GRAMD1C: variants seen among roughly 807,000 people sequenced by gnomAD.
GRAMD1C encodes the protein protein Aster-C.
In GRAMD1C, 89 loss-of-function variants were observed where a neutral mutation model predicts 97.8. That is an observed-to-expected ratio of 0.91 (90% CI 0.77 to 1.09). The LOEUF (loss-of-function observed/expected upper bound fraction) is 1.09, where lower values mean the gene tolerates loss of function less well. GRAMD1C is among the 50% of genes least tolerant of loss of function. The pLI, the probability that GRAMD1C is intolerant of heterozygous loss-of-function variation, is 0.00. For missense variants in GRAMD1C, 740 were observed against 766.4 expected, an observed-to-expected ratio of 0.97 and a Z score of 0.41; for synonymous variants, 256 against 267.0, an observed-to-expected ratio of 0.96 and a Z score of 0.40.
intron 10 of GRAMD1C, among the ~76,000 whole-genome samples, chr3:113,916,358 ATC>A (rs1936810058): frequency 6.6e-6 from 1 of 152,242 alleles, no homozygotes; most frequent in Non-Finnish European, 1.5e-5. Context: ...TCAAGTGTCC[ATC>A]AGTAATAGAA....
chr3:113,873,592 C>T (rs1314570872), intron 3 of GRAMD1C, among the ~76,000 whole-genome samples: 2 of 152,004 alleles, frequency 1.3e-5, no homozygotes, highest in African/African-American at 2.4e-5. Flanking sequence ...GATCTCAGCT[C>T]ACTGTAACCT....
intron 17 of GRAMD1C, among the ~76,000 whole-genome samples, chr3:113,942,040 C>T (rs913783065): frequency 6.6e-5 from 10 of 151,410 alleles, no homozygotes; most frequent in Admixed American, 3.9e-4. Context: ...CTCACCCTCC[C>T]GTAGCTGGAA....
intron 6 of GRAMD1C, among the ~76,000 whole-genome samples, chr3:113,892,867 C>A (rs1326779387): frequency 6.6e-6 from 1 of 152,114 alleles, no homozygotes; most frequent in Non-Finnish European, 1.5e-5. Flanking sequence ...CAGCCCCCAT[C>A]CGTGTTCTAT....
chr3:113,871,744 C>CAAAAAAAAA (rs1179822586), intron 3 of GRAMD1C, among the ~76,000 whole-genome samples: 1 of 65,406 alleles, frequency 1.5e-5, no homozygotes, highest in African/African-American at 8.1e-5. Flanking sequence ...GACTCTGTCT[C>CAAAAAAAAA]AAAAAAAAAA....
intron 10 of GRAMD1C, among the ~76,000 whole-genome samples, chr3:113,918,660 A>G (rs1478388194): frequency 6.6e-6 from 1 of 152,194 alleles, no homozygotes; most frequent in Admixed American, 6.5e-5. Flanking sequence ...GCATACTGCT[A>G]TCTTCTGACT....
intron 10 of GRAMD1C, 34 bp from the exon 11 acceptor site, chr3:113,930,680 T>C (rs1302687742): frequency 9.2e-7 from 1 of 1,090,840 alleles, no homozygotes; most frequent in Non-Finnish European, 1.4e-6. Context: ...TTTAAGTTTC[T>C]AGAACTAACT....
At chr3:113,872,658 G>A (rs1288042021) in intron 3 of GRAMD1C, among the ~76,000 whole-genome samples, 5 of 150,718 alleles carry the variant, frequency 3.3e-5, no homozygotes, top group Admixed American at 2.6e-4. Context: ...GCCTCCCAGA[G>A]TGCTGGGATT....
chr3:113,905,628 G>T (rs1936342587), intron 8 of GRAMD1C, among the ~76,000 whole-genome samples: 2 of 151,988 alleles, frequency 1.3e-5, no homozygotes, highest in African/African-American at 4.8e-5. Flanking sequence ...TAGTATATAT[G>T]AAAATGCAGT....
At position 113,915,717 on chromosome 3, in the gene GRAMD1C, A is replaced by G. The variant is rs369484546; in HGVS notation, c.969A>G (p.Lys323=). 94 of 1,608,150 alleles carry G rather than the reference A, an allele frequency of 5.8e-5. No individual in the cohort carries two copies. Among genetic ancestry groups the G allele is most frequent in the Non-Finnish European group, 7.7e-5 (91 of 1,176,928 alleles). Residue 323 remains lysine, a synonymous_variant, in exon 10 of 18, where the codon AAA becomes AAG. Transcript: ENST00000358160. ...TTTTTCCAGAAAATGTTCCTGAGAA[A>G]GATCTTCATGGAAGACTTTTTATCA... ...DSVDEENVPE[K]DLHGRLFINR... is the part of the protein sequence containing the mutation.
intron 1 of GRAMD1C, among the ~76,000 whole-genome samples, chr3:113,828,918 C>T (rs1356826570): frequency 2.0e-5 from 3 of 152,258 alleles, no homozygotes; most frequent in East Asian, 1.9e-4. Context: ...TTGTATCTTT[C>T]CAACTCATCA....
chr3:113,868,605 A>G lies in GRAMD1C; in HGVS notation c.175-902A>G, dbSNP rs1033618814. ...TAGGGATCACCTCTTATGTCAGCCA[A>G]TGATGTACTCAATGTACTTAAATCC... On this transcript the variant is annotated intron_variant, in intron 2 of 17. Transcript: ENST00000358160. 7.2e-5 allele frequency among the ~76,000 whole-genome samples: 11 copies of G among 152,140 alleles called. 1 individual carries two copies. The highest frequency in any genetic ancestry group is 7.2e-5 in the African/African-American group (3 of 41,428).
At chr3:113,851,311 G>C (rs1322291290) in intron 2 of GRAMD1C, among the ~76,000 whole-genome samples, 3 of 151,706 alleles carry the variant, frequency 2.0e-5, no homozygotes, top group Non-Finnish European at 4.4e-5. Context: ...TTTAGGAAGG[G>C]AAATAGAAAA....
chr3:113,837,918 G>T (rs1277106161), upstream of GRAMD1C, among the ~76,000 whole-genome samples: 2 of 152,222 alleles, frequency 1.3e-5, no homozygotes, highest in East Asian at 3.9e-4. Flanking sequence ...AAAAGAAAAA[G>T]AGAAAAAAGA....
At chr3:113,892,072 T>A (rs1218899506) in intron 6 of GRAMD1C, among the ~76,000 whole-genome samples, 1 of 152,086 alleles carries the variant, frequency 6.6e-6, no homozygotes, top group Non-Finnish European at 1.5e-5. Flanking sequence ...TGCATTTGTT[T>A]TATTTATTTT....
intron 10 of GRAMD1C, among the ~76,000 whole-genome samples, chr3:113,921,654 T>C (rs1937060314): frequency 1.3e-5 from 2 of 152,252 alleles, no homozygotes; most frequent in Admixed American, 1.3e-4. Flanking sequence ...ATAGCCATTC[T>C]GTCTGGTGTG....
intron 7 of GRAMD1C, 136 bp downstream of exon 7, chr3:113,901,282 T>C: frequency 1.7e-6 from 1 of 592,226 alleles, no homozygotes; most frequent in Non-Finnish European, 3.1e-6. Flanking sequence ...TGTGGTGGAA[T>C]GGGGTGAAAG....
intron 6 of GRAMD1C, among the ~76,000 whole-genome samples, chr3:113,887,124 C>T (rs1387963001): frequency 4.0e-5 from 5 of 124,334 alleles, no homozygotes; most frequent in Admixed American, 3.9e-4. Flanking sequence ...GATAGAGTCT[C>T]ACTCTGTCGC....
intron 2 of GRAMD1C, chr3:113,850,730 A>C: frequency 6.7e-7 from 1 of 1,501,790 alleles, no homozygotes; most frequent in South Asian, 1.2e-5. Context: ...AGGCATCAAC[A>C]TCTCCGCTGC....
chr3:113,839,663 A>G (rs899258993), intron 1 of GRAMD1C, among the ~76,000 whole-genome samples: 1 of 152,200 alleles, frequency 6.6e-6, no homozygotes, highest in Admixed American at 6.5e-5. Flanking sequence ...GTCAAGCTGG[A>G]TATTCATGAA....
Sources: gnomAD v4.1 joint callset for allele counts (sites outside exome capture counted in the v4.1 genomes callset) on GRCh38, gnomAD v4.1.1 for gene constraint, MANE v1.5 for transcripts, NCBI Gene and HGNC (gene_info 2026-07-23, HGNC 2026-07-21) for gene names.